FAR1: variants seen among roughly 807,000 people sequenced by gnomAD.
The protein encoded by FAR1 is male sterility domain-containing protein 2.
Under a neutral mutation model 61.1 loss-of-function variants are expected in FAR1, and 22 were observed. The observed-to-expected ratio is 0.36, with a 90% CI of 0.26 to 0.51. The LOEUF (loss-of-function observed/expected upper bound fraction) is 0.51. FAR1 is among the 20% of genes least tolerant of loss of function. The pLI, the probability that FAR1 is intolerant of heterozygous loss-of-function variation, is 0.95. For synonymous variants in FAR1, 206 were observed against 209.7 expected, an observed-to-expected ratio of 0.98 and a Z score of 0.15; for missense variants, 359 against 626.9, an observed-to-expected ratio of 0.57 and a Z score of 4.56.
At chr11:13,705,581 G>T (rs1321828161) in intron 3 of FAR1, among the ~76,000 whole-genome samples, 1 of 151,974 alleles carries the variant, frequency 6.6e-6, no homozygotes, top group Admixed American at 6.6e-5. Flanking sequence ...AGAAAATAGT[G>T]CATTCCCTTA....
intron 1 of FAR1, among the ~76,000 whole-genome samples, chr11:13,678,977 C>T (rs774002322): frequency 2.0e-5 from 3 of 151,982 alleles, no homozygotes; most frequent in Non-Finnish European, 2.9e-5. Context: ...TAATCTTGGG[C>T]GAAGCGGTAT....
At chr11:13,675,415 G>A (rs1205931553) in intron 1 of FAR1, among the ~76,000 whole-genome samples, 1 of 152,158 alleles carries the variant, frequency 6.6e-6, no homozygotes, top group Non-Finnish European at 1.5e-5. Context: ...GATAAAGCGT[G>A]CGGTTAGGAA....
At chr11:13,708,640 T>C (rs1418205834) in intron 4 of FAR1, among the ~76,000 whole-genome samples, 1 of 152,070 alleles carries the variant, frequency 6.6e-6, no homozygotes, top group Non-Finnish European at 1.5e-5. Flanking sequence ...TTATTAGTGA[T>C]ATTAGGGGCT....
rs1224133969 is a variant in FAR1, at chr11:13,731,214, A to G, written c.*2440A>G. 1 of 152,596 alleles carries G rather than the reference A, an allele frequency of 6.6e-6. No homozygotes were observed. Among genetic ancestry groups the G allele is most frequent in the Admixed American group, 6.6e-5 (1 of 15,262 alleles). 9.5% of individuals were successfully genotyped at this position (152,596 alleles called of 1,614,324 possible). ...ATTTATATTTGACTTGGCAACATTAACATGTCCTAAGACTTAGTGCAGAGA... is the reference window on the plus strand; with the variant it reads ...ATTTATATTTGACTTGGCAACATTAGCATGTCCTAAGACTTAGTGCAGAGA... On this transcript the variant is annotated 3_prime_UTR_variant, in exon 12 of 12. Coordinates refer to ENST00000354817, the MANE Select transcript of FAR1 (RefSeq NM_032228.6).
intron 1 of FAR1, among the ~76,000 whole-genome samples, chr11:13,677,804 A>T (rs1358013704): frequency 6.6e-6 from 1 of 152,206 alleles, no homozygotes; most frequent in African/African-American, 2.4e-5. Flanking sequence ...TTTTTTGGGA[A>T]GAGCTATATG....
chr11:13,693,103 C>A (rs1259510311), intron 1 of FAR1, among the ~76,000 whole-genome samples: 1 of 152,068 alleles, frequency 6.6e-6, no homozygotes, highest in African/African-American at 2.4e-5. Context: ...GTGGGGATAT[C>A]CAAGCTTTTG....
chr11:13,700,049 A>C (rs1306023545), intron 2 of FAR1, among the ~76,000 whole-genome samples: 1 of 152,176 alleles, frequency 6.6e-6, no homozygotes, highest in African/African-American at 2.4e-5. Flanking sequence ...TTCAAATTCA[A>C]CTTTGTGAAC....
At position 13,688,826 on chromosome 11, in the gene FAR1, A is replaced by G. The variant is rs1460031340; in HGVS notation, c.-7-5933A>G. 3.3e-5 allele frequency among the ~76,000 whole-genome samples: 5 copies of G among 151,012 alleles called. No individual in the cohort carries two copies. The East Asian group carries it at 7.8e-4, about 23-fold the overall frequency. ...GAGGTTATTGACATCAAACCGTTTTATTTATTTATTTTTTTTAAGAGATGG... is the reference window on the plus strand; with the variant it reads ...GAGGTTATTGACATCAAACCGTTTTGTTTATTTATTTTTTTTAAGAGATGG... On this transcript the variant is annotated intron_variant, in intron 1 of 11. Coordinates refer to ENST00000354817, the MANE Select transcript of FAR1 (RefSeq NM_032228.6).
intron 1 of FAR1, among the ~76,000 whole-genome samples, chr11:13,676,496 A>G (rs1848070622): frequency 6.6e-6 from 1 of 152,198 alleles, no homozygotes; most frequent in South Asian, 2.1e-4. Flanking sequence ...TGTTGAAACA[A>G]CCAGAAGTAA....
At chr11:13,724,119 G>A (rs1848643489) in intron 10 of FAR1, among the ~76,000 whole-genome samples, 2 of 152,114 alleles carry the variant, frequency 1.3e-5, no homozygotes, top group South Asian at 2.1e-4. Context: ...GATTGAAATT[G>A]CAGTTTTCTG....
chr11:13,677,598 T>C (rs1045223718), intron 1 of FAR1, among the ~76,000 whole-genome samples: 1 of 152,218 alleles, frequency 6.6e-6, no homozygotes, highest in African/African-American at 2.4e-5. Flanking sequence ...TGAGTTCTTT[T>C]GCCACATTTG....
intron 10 of FAR1, among the ~76,000 whole-genome samples, chr11:13,726,314 A>T (rs960480411): frequency 3.9e-5 from 6 of 152,198 alleles, no homozygotes; most frequent in Admixed American, 3.9e-4. Context: ...ATAAATCTAG[A>T]ATCATTCTCC....
At chr11:13,727,257 TTTTC>T in intron 10 of FAR1, among the ~76,000 whole-genome samples, 1 of 152,040 alleles carries the variant, frequency 6.6e-6, no homozygotes, top group East Asian at 1.9e-4. Context: ...TTGTCTTTTT[TTTTC>T]TTTGTTTAGC....
At position 13,721,528 on chromosome 11, in the gene FAR1, G is replaced by A. The variant is rs192559426; in HGVS notation, c.1128-202G>A. 265 of 453,596 alleles carry A rather than the reference G, an allele frequency of 5.8e-4. 1 individual carries two copies. The highest frequency in any genetic ancestry group is 4.9e-3 in the African/African-American group (240 of 48,910). 28.1% of individuals were successfully genotyped at this position (453,596 alleles called of 1,614,324 possible). ...TTGCTGCTGCTTTCAAAAAAAATTT[G>A]TTTTCCTTTTGGATTTATAAATTGT... On this transcript the variant is annotated intron_variant, in intron 9 of 11. Transcript: ENST00000354817. The surrounding 1 kb of genome is among the most constrained non-coding windows in gnomAD (Gnocchi z 4.2).
Position 13,728,817 on chromosome 11 carries a change from C to T in FAR1, c.*43C>T. On this transcript the variant is annotated 3_prime_UTR_variant, in exon 12 of 12. Coordinates refer to ENST00000354817, the MANE Select transcript of FAR1 (RefSeq NM_032228.6). ...TTAGAACATCTATACATATGGTGAT[C>T]TAAATGTACAAAATGTAAAATGTAT... 3.9e-6 allele frequency: 6 copies of T among 1,534,162 alleles called. No individual in the cohort carries two copies. The highest frequency in any genetic ancestry group is 5.3e-6 in the Non-Finnish European group (6 of 1,124,468).
chr11:13,678,221 C>T (rs1024298008), intron 1 of FAR1, among the ~76,000 whole-genome samples: 3 of 152,018 alleles, frequency 2.0e-5, no homozygotes, highest in African/African-American at 4.8e-5. Context: ...TGGTAACTAG[C>T]TTAATAGTTT....
At chr11:13,719,794 C>A (rs538367426) in intron 9 of FAR1, 1 of 151,940 alleles carries the variant, frequency 6.6e-6, no homozygotes, top group Non-Finnish European at 1.5e-5. Flanking sequence ...GCCCTCCACA[C>A]GAAAGAATGA....
chr11:13,677,548 G>C lies in FAR1; in HGVS notation c.-8+8742G>C, dbSNP rs1032411920. On this transcript the variant is annotated intron_variant, in intron 1 of 11. Transcript: ENST00000354817. ...ACACTGGAAGGATCATTGACATCCAGGTTCAAAGAAGTTACTGCTTACATG... is the reference window on the plus strand; with the variant it reads ...ACACTGGAAGGATCATTGACATCCACGTTCAAAGAAGTTACTGCTTACATG... 3.3e-5 allele frequency among the ~76,000 whole-genome samples: 5 copies of C among 152,282 alleles called. No homozygotes were observed. The South Asian group carries it at 1.0e-3, about 32-fold the overall frequency.
Position 13,721,804 on chromosome 11 carries a change from G to A in FAR1, c.1202G>A (p.Trp401Ter). Residue 401 changes from tryptophan to a stop codon, truncating the protein, a stop_gained, in exon 10 of 12, where the codon TGG becomes TAG. Transcript: ENST00000354817. LOFTEE classifies it high-confidence loss of function. The surrounding 1 kb of genome is among the most constrained non-coding windows in gnomAD (Gnocchi z 4.2). Reference sequence around the variant, plus strand: ...TATTTCACAAGTAATTCTTGGGTTTGGAATACTGAGAATGTCAATATGTTA... The same window carrying A: ...TATTTCACAAGTAATTCTTGGGTTTAGAATACTGAGAATGTCAATATGTTA... ...LEYFTSNSWV[W>*]NTENVNMLMN... 1.9e-6 allele frequency: 3 copies of A among 1,610,182 alleles called. No individual in the cohort carries two copies. Among genetic ancestry groups the A allele is most frequent in the East Asian group, 2.2e-5 (1 of 44,542 alleles).
Sources: allele counts gnomAD v4.1 joint callset (sites outside exome capture counted in the v4.1 genomes callset), GRCh38; gene constraint gnomAD v4.1.1; non-coding constraint Gnocchi (gnomAD v3.1); transcripts MANE v1.5; gene names NCBI Gene and HGNC (gene_info 2026-07-23, HGNC 2026-07-21).